FUT8: variants seen among roughly 807,000 people sequenced by gnomAD.
FUT8 encodes the protein alpha-(1,6)-fucosyltransferase.
A neutral mutation model predicts 71.3 loss-of-function variants in FUT8; 29 were observed. The ratio of observed to expected loss-of-function variants is 0.41; its 90% CI spans 0.30 to 0.55. The LOEUF (loss-of-function observed/expected upper bound fraction) is 0.55, where lower values mean the gene tolerates loss of function less well. Ranked by LOEUF, FUT8 falls within the 20% of genes least tolerant of loss-of-function variation. The pLI is 0.34. For missense variants in FUT8, 544 were observed against 702.1 expected (o/e 0.77, Z 2.55); for synonymous variants, 254 against 239.3 (o/e 1.06, Z -0.57).
intron 7 of FUT8, among the ~76,000 whole-genome samples, chr14:65,671,861 C>T (rs1892493410): frequency 6.6e-6 from 1 of 152,084 alleles, no homozygotes; most frequent in South Asian, 2.1e-4. Context: ...TTTTAATAAG[C>T]TCCTTGACTT....
chr14:65,463,035 ACT>A (rs2065990326), intron 2 of FUT8, among the ~76,000 whole-genome samples: 1 of 152,078 alleles, frequency 6.6e-6, no homozygotes, highest in Non-Finnish European at 1.5e-5. Flanking sequence ...CAATTCAGAG[ACT>A]CTCACTACAT....
the FUT8 span, among the ~76,000 whole-genome samples, chr14:65,358,170 T>C: frequency 2.0e-5 from 3 of 152,134 alleles, no homozygotes; most frequent in Admixed American, 6.6e-5. Context: ...TGTTTCAAGA[T>C]AGTTGGAAGA....
chr14:65,499,215 C>T (rs2066607642), intron 2 of FUT8, among the ~76,000 whole-genome samples: 2 of 152,142 alleles, frequency 1.3e-5, no homozygotes, highest in African/African-American at 4.8e-5. Flanking sequence ...ACCACCATAC[C>T]TGGCTGAATT....
At chr14:65,487,063 C>T (rs1171484680) in intron 2 of FUT8, among the ~76,000 whole-genome samples, 1 of 152,008 alleles carries the variant, frequency 6.6e-6, no homozygotes, top group Non-Finnish European at 1.5e-5. Flanking sequence ...ACTCTATTAG[C>T]ATAAGATTAT....
At chr14:65,448,804 C>G (rs1336914824) in intron 1 of FUT8, among the ~76,000 whole-genome samples, 1 of 152,152 alleles carries the variant, frequency 6.6e-6, no homozygotes, top group Non-Finnish European at 1.5e-5. Context: ...CTTCTTAATT[C>G]AGACTAACTG....
At chr14:65,412,514 C>T, upstream of FUT8, 2 of 358,088 alleles carry the variant, frequency 5.6e-6, no homozygotes, top group Non-Finnish European at 1.1e-5. Flanking sequence ...GAGCCGGAGC[C>T]GGCGTGCGCA....
intron 10 of FUT8, among the ~76,000 whole-genome samples, chr14:65,739,977 C>T (rs1896412118): frequency 6.6e-6 from 1 of 151,984 alleles, no homozygotes; most frequent in South Asian, 2.1e-4. Flanking sequence ...TAAATATTAG[C>T]CTCTGTCATT....
intron 7 of FUT8, among the ~76,000 whole-genome samples, chr14:65,678,571 AG>A (rs35472272): frequency 6.6e-6 from 1 of 152,138 alleles, no homozygotes; most frequent in African/African-American, 2.4e-5. Flanking sequence ...CTGGGAGTAA[AG>A]GGGGGTACTA....
intron 3 of FUT8, among the ~76,000 whole-genome samples, chr14:65,569,738 C>T (rs1163237395): frequency 1.3e-5 from 2 of 151,734 alleles, no homozygotes. Context: ...AAATTTTCTG[C>T]CTCTTTGCAT....
intron 6 of FUT8, among the ~76,000 whole-genome samples, chr14:65,635,148 T>C (rs1271032274): frequency 6.6e-6 from 1 of 152,178 alleles, no homozygotes. Flanking sequence ...GCTTGGTCGC[T>C]GTTGGTGTAT....
the FUT8 span, among the ~76,000 whole-genome samples, chr14:65,395,958 C>A: frequency 1.3e-4 from 20 of 152,232 alleles, no homozygotes; most frequent in Non-Finnish European, 2.2e-4. Flanking sequence ...CCTAAATCAT[C>A]TTCCTCAAGT....
At chr14:65,527,621 C>T (rs768166635) in intron 2 of FUT8, among the ~76,000 whole-genome samples, 7 of 152,044 alleles carry the variant, frequency 4.6e-5, no homozygotes, top group African/African-American at 1.2e-4. Flanking sequence ...GGGGGAGAGG[C>T]GCTCTGATTT....
chr14:65,671,721 A>C (rs1231115486), intron 7 of FUT8, among the ~76,000 whole-genome samples: 1 of 152,188 alleles, frequency 6.6e-6, no homozygotes, highest in Non-Finnish European at 1.5e-5. Context: ...ATTTCTTTTA[A>C]GCTTAGAATA....
intron 1 of FUT8, among the ~76,000 whole-genome samples, chr14:65,425,226 C>T (rs111466482): frequency 0.12 from 18,588 of 150,924 alleles, 1,475 homozygotes; most frequent in East Asian, 0.38. Flanking sequence ...AGTGCAATGG[C>T]ACGAACTCGG....
chr14:65,514,662 A>G (rs1290870447), intron 2 of FUT8, among the ~76,000 whole-genome samples: 1 of 152,100 alleles, frequency 6.6e-6, no homozygotes, highest in Admixed American at 6.5e-5. Flanking sequence ...CTGAGTAGGT[A>G]TACAAAACTT....
chr14:65,542,845 C>T (rs1053935072), intron 2 of FUT8, among the ~76,000 whole-genome samples: 1 of 151,906 alleles, frequency 6.6e-6, no homozygotes. Context: ...TGCAATGGCG[C>T]GATATTGGCT....
chr14:65,515,955 A>G (rs1425183212), intron 2 of FUT8, among the ~76,000 whole-genome samples: 3 of 152,168 alleles, frequency 2.0e-5, no homozygotes, highest in Non-Finnish European at 4.4e-5. Flanking sequence ...TTTTATTTTG[A>G]CTAAAGTTTA....
chr14:65,564,030 C>G (rs1886056353), intron 3 of FUT8, among the ~76,000 whole-genome samples: 1 of 151,984 alleles, frequency 6.6e-6, no homozygotes, highest in South Asian at 2.1e-4. Context: ...GTTATTTTCC[C>G]TCAACCTCAT....
chr14:65,560,469 C>G (rs990075915), intron 2 of FUT8, among the ~76,000 whole-genome samples: 1 of 152,164 alleles, frequency 6.6e-6, no homozygotes, highest in Non-Finnish European at 1.5e-5. Flanking sequence ...ATGTGAGTCA[C>G]TGTGGCTGGC....
Sources: allele counts gnomAD v4.1 joint callset (sites outside exome capture counted in the v4.1 genomes callset), GRCh38; gene constraint gnomAD v4.1.1; transcripts MANE v1.5; gene names NCBI Gene and HGNC (gene_info 2026-07-23, HGNC 2026-07-21).